The following PDE8B variants were observed in gnomAD, a reference collection of about 807,000 sequenced individuals.
PDE8B encodes the protein phosphodiesterase 8B.
Under a neutral mutation model 101.3 loss-of-function variants are expected in PDE8B, and 26 were observed. That is an observed-to-expected ratio of 0.26 (90% CI 0.19 to 0.36). PDE8B has a LOEUF of 0.36. Ranked by LOEUF, PDE8B falls within the 10% of genes least tolerant of loss-of-function variation. PDE8B has a pLI of 1.00. For missense variants in PDE8B, 810 were observed against 1,163.1 expected, an observed-to-expected ratio of 0.70 and a Z score of 4.42; for synonymous variants, 424 against 429.3, an observed-to-expected ratio of 0.99 and a Z score of 0.15.
At chr5:77,426,336 G>A in intron 21 of PDE8B, 109 bp from the exon 22 acceptor site, 2 of 738,714 alleles carry the variant, frequency 2.7e-6, no homozygotes, top group Non-Finnish European at 4.9e-6. Flanking sequence ...CGCCCAGGGT[G>A]TGCCTCCTCT....
At chr5:77,412,260 C>CG in intron 16 of PDE8B, 25 bp downstream of exon 16, 1 of 1,612,964 alleles carries the variant, frequency 6.2e-7, no homozygotes, top group Non-Finnish European at 8.5e-7. Context: ...TGGCTGAAGG[C>CG]AGAGCAGGAT....
chr5:77,143,076 C>T, the PDE8B span, among the ~76,000 whole-genome samples: 1 of 152,066 alleles, frequency 6.6e-6, no homozygotes, highest in African/African-American at 2.4e-5. Context: ...AACCAGAACC[C>T]AAGGAGGTGG....
At chr5:77,287,710 T>C (rs141270661) in intron 1 of PDE8B, among the ~76,000 whole-genome samples, 209 of 152,300 alleles carry the variant, frequency 1.4e-3, no homozygotes, top group African/African-American at 4.3e-3. Flanking sequence ...ATATTCCAGT[T>C]CCCCAGTTCT....
the PDE8B span, chr5:77,088,915 T>C: frequency 6.6e-6 from 1 of 152,212 alleles, no homozygotes; most frequent in African/African-American, 2.4e-5. Flanking sequence ...TAGTTCCCTG[T>C]CTACTGTCCC....
At chr5:77,386,865 C>CTTTTTTTTTTTTTTTTTTTTTTTTT (rs59393259) in intron 10 of PDE8B, among the ~76,000 whole-genome samples, 1 of 51,080 alleles carries the variant, frequency 2.0e-5, no homozygotes, top group Non-Finnish European at 3.3e-5. Context: ...GATGTAGTTT[C>CTTTTTTTTTTTTTTTTTTTTTTTTT]TTTTTTTTTT....
chr5:77,221,034 C>A (rs1197658571), intron 1 of PDE8B, among the ~76,000 whole-genome samples: 1 of 152,160 alleles, frequency 6.6e-6, no homozygotes, highest in Non-Finnish European at 1.5e-5. Flanking sequence ...CTTTGTGGCA[C>A]TTATTTTCTG....
At chr5:77,149,303 A>G in the PDE8B span, among the ~76,000 whole-genome samples, 1 of 152,192 alleles carries the variant, frequency 6.6e-6, no homozygotes, top group Admixed American at 6.5e-5. Context: ...TGGGTGATAG[A>G]AGTCTTTCAA....
At chr5:77,197,980 G>A in the PDE8B span, among the ~76,000 whole-genome samples, 2 of 151,252 alleles carry the variant, frequency 1.3e-5, no homozygotes, top group South Asian at 4.2e-4. Context: ...TTTTCCTTTT[G>A]ATTATTAGTC....
rs534393155 is a variant in PDE8B at position 77,299,446 on chromosome 5, C to T, written c.340-12548C>T. Among the ~76,000 whole-genome samples the T allele has an allele frequency of 9.0e-4, 121 of 134,756 alleles. 4 individuals carry two copies. Among genetic ancestry groups the T allele is most frequent in the Admixed American group, 7.5e-3 (97 of 12,874 alleles). 88.4% of individuals were successfully genotyped at this position (134,756 alleles called of 152,430 possible). ...CCTCCCCCCACCCCACAACAGTCCC[C>T]GGAGTGTGATGTTCCCCTTCCTGTG... On this transcript the variant is annotated intron_variant, in intron 1 of 21. Transcript: ENST00000264917.
At chr5:77,339,125 G>A (rs1235431123) in intron 6 of PDE8B, among the ~76,000 whole-genome samples, 3 of 152,162 alleles carry the variant, frequency 2.0e-5, no homozygotes, top group African/African-American at 4.8e-5. Flanking sequence ...TAGAGCCAGG[G>A]CACCAAAGAC....
At chr5:77,146,952 A>G in the PDE8B span, 1 of 456,844 alleles carries the variant, frequency 2.2e-6, no homozygotes, top group South Asian at 1.8e-5. Flanking sequence ...AGTTGTAAAG[A>G]AATTGGAAGA....
rs970463499 is a variant in PDE8B at position 77,211,106 on chromosome 5, C to A, written c.181C>A (p.Pro61Thr). The A allele has an allele frequency of 6.7e-6, 10 of 1,492,910 alleles. No individual in the cohort carries two copies. Among genetic ancestry groups the A allele is most frequent in the Non-Finnish European group, 8.9e-6 (10 of 1,127,952 alleles). 92.5% of individuals were successfully genotyped at this position (1,492,910 alleles called of 1,614,324 possible). Reference sequence around the variant, plus strand: ...CATCCCCCCGAGCCGCGCGTCGGGACCCCCCAGCGTAGCCCGCGTCCGCAG... The same window carrying A: ...CATCCCCCCGAGCCGCGCGTCGGGAACCCCCAGCGTAGCCCGCGTCCGCAG... ...DAIPPSRASG[P>T]PSVARVRRAR... The change falls in exon 1 of 22, where the codon CCC becomes ACC. Residue 61 changes from proline to threonine, a missense_variant. Physicochemically the swap from Pro to Thr is conservative, Grantham distance 38. Transcript: ENST00000264917. This position sits in a 1 kb window ranked among gnomAD's most constrained non-coding sequence, Gnocchi z 4.1.
chr5:77,374,381 G>A (rs1455553613), intron 10 of PDE8B, among the ~76,000 whole-genome samples: 1 of 151,892 alleles, frequency 6.6e-6, no homozygotes, highest in African/African-American at 2.4e-5. Context: ...TATTGATATG[G>A]TTGGATTCAG....
intron 4 of PDE8B, 150 bp from the exon 5 acceptor site, chr5:77,331,252 T>C: frequency 1.3e-6 from 1 of 762,218 alleles, no homozygotes; most frequent in Non-Finnish European, 2.4e-6. Context: ...TCTGTATCCT[T>C]GAAGGCAGGT....
chr5:77,354,046 C>G (rs1781640630), intron 10 of PDE8B, among the ~76,000 whole-genome samples: 1 of 152,174 alleles, frequency 6.6e-6, no homozygotes, highest in Non-Finnish European at 1.5e-5. Context: ...TATCAGTGAT[C>G]TATTTTTGAA....
chr5:77,333,887 G>A (rs994952473), intron 5 of PDE8B, among the ~76,000 whole-genome samples: 5 of 152,214 alleles, frequency 3.3e-5, no homozygotes, highest in Non-Finnish European at 5.9e-5. Flanking sequence ...TTTGGGGGAG[G>A]GGCATGAACA....
At chr5:77,127,709 G>A in the PDE8B span, among the ~76,000 whole-genome samples, 1 of 152,030 alleles carries the variant, frequency 6.6e-6, no homozygotes, top group Non-Finnish European at 1.5e-5. Context: ...CAAGATTCAG[G>A]TGAGGTATTT....
At chr5:77,407,535 ACAT>A in intron 13 of PDE8B, 78 bp downstream of exon 13, 2 of 1,016,148 alleles carry the variant, frequency 2.0e-6, no homozygotes, top group Non-Finnish European at 3.1e-6. Flanking sequence ...CATCACACTG[ACAT>A]CATGGAGCTC....
chr5:77,167,832 G>A, the PDE8B span, among the ~76,000 whole-genome samples: 530 of 152,156 alleles, frequency 3.5e-3, 3 homozygotes, highest in African/African-American at 0.012. Context: ...CCCACCCTGC[G>A]GGACCGTGTG....
Sources: gnomAD v4.1 joint callset for allele counts (sites outside exome capture counted in the v4.1 genomes callset) on GRCh38, gnomAD v4.1.1 for gene constraint, Gnocchi (gnomAD v3.1) non-coding constraint, MANE v1.5 for transcripts, NCBI Gene and HGNC (gene_info 2026-07-23, HGNC 2026-07-21) for gene names.